The following NCOA3 variants were observed in gnomAD, a reference collection of about 807,000 sequenced individuals.
NCOA3 encodes nuclear receptor coactivator 3.
NCOA3 carries 51 observed loss-of-function variants against 158.8 expected under a neutral mutation model. The observed-to-expected ratio is 0.32, with a 90% CI of 0.26 to 0.41. NCOA3 has a LOEUF of 0.41. Among genes scored for constraint, NCOA3 ranks in the 10% least tolerant of loss-of-function variants. The probability of loss-of-function intolerance (pLI) is 1.00; values close to 1 mark genes in which losing one functional copy is unlikely to be tolerated. For missense variants in NCOA3, 1,510 were observed against 1,746.6 expected (o/e 0.86, Z 2.41); for synonymous variants, 537 against 592.4 (o/e 0.91, Z 1.36).
At chr20:47,632,549 A>T (rs2086437678) in intron 8 of NCOA3, among the ~76,000 whole-genome samples, 1 of 151,760 alleles carries the variant, frequency 6.6e-6, no homozygotes. Flanking sequence ...CACCACGCCC[A>T]GCTAAGTTTT....
At chr20:47,508,369 G>A (rs186693688) in intron 1 of NCOA3, among the ~76,000 whole-genome samples, 3 of 152,240 alleles carry the variant, frequency 2.0e-5, no homozygotes, top group Non-Finnish European at 4.4e-5. Context: ...CTGAAAGAAG[G>A]AATTTCAAAG....
chr20:47,653,616 C>A lies in NCOA3; in HGVS notation c.*199C>A, dbSNP rs1004588244. On this transcript the variant is annotated 3_prime_UTR_variant, in exon 23 of 23. Coordinates refer to ENST00000371998, the MANE Select transcript of NCOA3 (RefSeq NM_181659.3). Reference sequence around the variant, plus strand: ...GGGCAATATCTACGTGTTTTTCCCCCCTCCTTCTGCTGTGTATCATGGTGT... The same window carrying A: ...GGGCAATATCTACGTGTTTTTCCCCACTCCTTCTGCTGTGTATCATGGTGT... 33 of 650,794 alleles carry A rather than the reference C, an allele frequency of 5.1e-5. No individual in the cohort carries two copies. The highest frequency in any genetic ancestry group is 5.0e-4 in the African/African-American group (28 of 55,496). 40.3% of individuals were successfully genotyped at this position (650,794 alleles called of 1,614,324 possible). A position where few individuals can be genotyped will look rare whatever the true frequency, so the allele number is the denominator to read the frequency against.
chr20:47,646,420 C>CT (rs1236693598), intron 17 of NCOA3, among the ~76,000 whole-genome samples: 1 of 152,068 alleles, frequency 6.6e-6, no homozygotes, highest in East Asian at 1.9e-4. Context: ...AACAAGCCTG[C>CT]TTGGGGGGAA....
At chr20:47,644,265 G>A (rs1351877908) in intron 17 of NCOA3, among the ~76,000 whole-genome samples, 1 of 151,326 alleles carries the variant, frequency 6.6e-6, no homozygotes, top group African/African-American at 2.4e-5. Flanking sequence ...TCAGCCTCCC[G>A]AGTAGCTGGG....
intron 1 of NCOA3, among the ~76,000 whole-genome samples, chr20:47,537,980 A>G (rs1822868275): frequency 6.6e-6 from 1 of 152,062 alleles, no homozygotes; most frequent in African/African-American, 2.4e-5. Context: ...CCTGGGTTCA[A>G]GTGATTCTCC....
intron 1 of NCOA3, among the ~76,000 whole-genome samples, chr20:47,535,808 G>A (rs1383619346): frequency 6.6e-6 from 1 of 151,996 alleles, no homozygotes; most frequent in East Asian, 1.9e-4. Context: ...GCCCGGCCGA[G>A]TGCAAGGTTT....
intron 1 of NCOA3, among the ~76,000 whole-genome samples, chr20:47,553,148 TG>T (rs1297063164): frequency 6.6e-6 from 1 of 152,134 alleles, no homozygotes; most frequent in African/African-American, 2.4e-5. Flanking sequence ...TTGCTCAGTC[TG>T]GTCTTGAATT....
At chr20:47,567,012 CTATGTATGTATGTATG>C (rs71183264) in intron 1 of NCOA3, among the ~76,000 whole-genome samples, 65 of 145,460 alleles carry the variant, frequency 4.5e-4, no homozygotes, top group African/African-American at 1.1e-3. Flanking sequence ...TGGTATAGTA[CTATGTATGTATGTATG>C]TATGTATGTA....
At chr20:47,548,405 A>G (rs1206233216) in intron 1 of NCOA3, among the ~76,000 whole-genome samples, 2 of 151,890 alleles carry the variant, frequency 1.3e-5, no homozygotes, top group Non-Finnish European at 2.9e-5. Flanking sequence ...TTAGCTGGGC[A>G]TGGTGGCAGG....
At chr20:47,531,105 AG>A (rs1464092430) in intron 1 of NCOA3, among the ~76,000 whole-genome samples, 1 of 152,176 alleles carries the variant, frequency 6.6e-6, no homozygotes, top group Non-Finnish European at 1.5e-5. Flanking sequence ...TGGGAGACTG[AG>A]GGCAGGCAGA....
intron 1 of NCOA3, among the ~76,000 whole-genome samples, chr20:47,529,426 A>C (rs1208318510): frequency 6.6e-6 from 1 of 151,082 alleles, no homozygotes; most frequent in East Asian, 2.0e-4. Context: ...GCATCTAAAA[A>C]ACTTTTTTGA....
intron 1 of NCOA3, among the ~76,000 whole-genome samples, chr20:47,509,958 A>G (rs1363751297): frequency 6.6e-6 from 1 of 152,230 alleles, no homozygotes; most frequent in Non-Finnish European, 1.5e-5. Context: ...AGTTGACTAC[A>G]TATAGGAAAA....
intron 1 of NCOA3, among the ~76,000 whole-genome samples, chr20:47,510,951 C>T (rs1057000470): frequency 2.0e-5 from 3 of 152,036 alleles, no homozygotes; most frequent in Non-Finnish European, 4.4e-5. Flanking sequence ...CTTCAATCAT[C>T]TTTAATTTGC....
At chr20:47,580,798 A>G (rs899465980) in intron 1 of NCOA3, among the ~76,000 whole-genome samples, 1 of 152,046 alleles carries the variant, frequency 6.6e-6, no homozygotes, top group African/African-American at 2.4e-5. Context: ...ATAAAAATTC[A>G]AGTTAAAAAA....
chr20:47,542,483 T>G (rs1326338284), intron 1 of NCOA3, among the ~76,000 whole-genome samples: 1 of 152,200 alleles, frequency 6.6e-6, no homozygotes, highest in African/African-American at 2.4e-5. Flanking sequence ...AGTTATTTTT[T>G]ACAAGCATAT....
At chr20:47,614,675 T>C (rs75820922) in intron 2 of NCOA3, among the ~76,000 whole-genome samples, 2,766 of 152,234 alleles carry the variant, frequency 0.018, 89 homozygotes, top group African/African-American at 0.063. Context: ...AAGGTATAGT[T>C]TGTATATGTC....
chr20:47,594,131 C>G (rs1404329780), intron 2 of NCOA3, among the ~76,000 whole-genome samples: 1 of 152,096 alleles, frequency 6.6e-6, no homozygotes, highest in African/African-American at 2.4e-5. Context: ...TATAACACCT[C>G]TCATATTTAA....
chr20:47,650,298 T>C (rs1192190984), intron 19 of NCOA3, among the ~76,000 whole-genome samples: 1 of 148,240 alleles, frequency 6.7e-6, no homozygotes, highest in East Asian at 2.0e-4. Context: ...TTGCCCAGGC[T>C]GGAGTACAGT....
At chr20:47,526,295 G>A (rs2084447325) in intron 1 of NCOA3, among the ~76,000 whole-genome samples, 1 of 151,634 alleles carries the variant, frequency 6.6e-6, no homozygotes, top group Non-Finnish European at 1.5e-5. Flanking sequence ...CCAGGCAGAG[G>A]GGCTCCTCAC....
Sources: allele counts gnomAD v4.1 joint callset (sites outside exome capture counted in the v4.1 genomes callset), GRCh38; gene constraint gnomAD v4.1.1; transcripts MANE v1.5; gene names NCBI Gene and HGNC (gene_info 2026-07-23, HGNC 2026-07-21).